Variants in POU2AF1 observed in about 807,000 individuals in gnomAD.
POU2AF1 encodes POU domain class 2-associating factor 1.
In POU2AF1, 12 loss-of-function variants were observed where a neutral mutation model predicts 26.3. The observed-to-expected ratio is 0.46, with a 90% CI of 0.29 to 0.74. The LOEUF (loss-of-function observed/expected upper bound fraction) is 0.74. POU2AF1 is among the 30% of genes least tolerant of loss of function. POU2AF1 has a pLI of 0.09. For synonymous variants in POU2AF1, 175 were observed against 148.0 expected (o/e 1.18, Z -1.32); for missense variants, 297 against 334.5 (o/e 0.89, Z 0.87).
chr11:111,358,474 T>TC (rs1221494539), intron 2 of POU2AF1, among the ~76,000 whole-genome samples: 2 of 134,416 alleles, frequency 1.5e-5, no homozygotes, highest in Non-Finnish European at 3.2e-5. Context: ...ACACATACAT[T>TC]CTCACACACT....
chr11:111,369,706 C>T (rs182714472), intron 1 of POU2AF1, among the ~76,000 whole-genome samples: 1 of 152,154 alleles, frequency 6.6e-6, no homozygotes, highest in African/African-American at 2.4e-5. Flanking sequence ...CCAGACCTAC[C>T]GTCCCAGACC....
chr11:111,367,616 AG>A (rs11295484), intron 1 of POU2AF1, among the ~76,000 whole-genome samples: 96,838 of 151,822 alleles, frequency 0.64, 31,845 homozygotes, highest in Admixed American at 0.77. Context: ...GCGACACTGC[AG>A]GTTAATCATC....
At chr11:111,358,984 A>G (rs1860952092) in intron 1 of POU2AF1, 66 bp from the exon 2 acceptor site, 1 of 1,543,572 alleles carries the variant, frequency 6.5e-7, no homozygotes, top group Non-Finnish European at 8.7e-7. Flanking sequence ...CAAAGTGCTC[A>G]TTTCCTCATG....
chr11:111,368,322 A>G (rs1861143464), intron 1 of POU2AF1, among the ~76,000 whole-genome samples: 1 of 152,048 alleles, frequency 6.6e-6, no homozygotes, highest in Non-Finnish European at 1.5e-5. Context: ...GTCTGGGGCC[A>G]GAGACTCAGG....
chr11:111,369,391 C>A (rs550929920), intron 1 of POU2AF1, among the ~76,000 whole-genome samples: 1 of 152,322 alleles, frequency 6.6e-6, no homozygotes, highest in Non-Finnish European at 1.5e-5. Flanking sequence ...AGTATGATGG[C>A]ATTCCCTTGT....
chr11:111,370,117 G>A (rs1420031943), intron 1 of POU2AF1, among the ~76,000 whole-genome samples: 3 of 152,326 alleles, frequency 2.0e-5, no homozygotes, highest in Non-Finnish European at 2.9e-5. Flanking sequence ...GGCCTGGGGT[G>A]TAGCCTTCGC....
At chr11:111,355,185 A>G (rs1230977346) in intron 4 of POU2AF1, among the ~76,000 whole-genome samples, 6 of 152,224 alleles carry the variant, frequency 3.9e-5, no homozygotes, top group Admixed American at 3.9e-4. Flanking sequence ...TTTGTCAGCA[A>G]ACTTGGCCTT....
rs74697168 is a variant in POU2AF1 at position 111,366,414 on chromosome 11, A to G, written c.17-7496T>C. ...AAAGGGGAACCATGATTGATGTACA[A>G]TTTGATGTTGCCTGCAAGGCTGCTG... On this transcript the variant is annotated intron_variant, in intron 1 of 4. Coordinates refer to ENST00000393067, the MANE Select transcript of POU2AF1 (RefSeq NM_006235.3). Among the ~76,000 whole-genome samples the G allele has an allele frequency of 6.1e-3, 927 of 152,322 alleles. 5 individuals carry two copies. The highest frequency in any genetic ancestry group is 0.021 in the African/African-American group (859 of 41,564).
chr11:111,358,348 ACACT>A (rs1231264223), intron 2 of POU2AF1, among the ~76,000 whole-genome samples: 8 of 52,694 alleles, frequency 1.5e-4, no homozygotes, highest in African/African-American at 1.3e-4. Context: ...TCACACTCTC[ACACT>A]CACACTCTCA....
chr11:111,354,950 T>G (rs1025475901), intron 4 of POU2AF1, among the ~76,000 whole-genome samples: 1 of 152,232 alleles, frequency 6.6e-6, no homozygotes, highest in African/African-American at 2.4e-5. Context: ...TCTTAAAACA[T>G]TAAAAATATA....
intron 1 of POU2AF1, among the ~76,000 whole-genome samples, chr11:111,375,759 G>C (rs1027649888): frequency 3.3e-5 from 5 of 152,208 alleles, no homozygotes; most frequent in Non-Finnish European, 7.4e-5. Context: ...TCTCAGACCA[G>C]AGGTTGGCAA....
intron 1 of POU2AF1, among the ~76,000 whole-genome samples, chr11:111,369,401 T>G (rs1027083291): frequency 4.6e-5 from 7 of 152,216 alleles, no homozygotes; most frequent in African/African-American, 1.4e-4. Flanking sequence ...CATTCCCTTG[T>G]CCTGACCTCA....
Position 111,354,226 on chromosome 11 carries a change from A to G in POU2AF1, c.*35T>C. The G allele has an allele frequency of 6.3e-7, 1 of 1,599,312 alleles. No homozygotes were observed. The highest frequency in any genetic ancestry group is 2.2e-5 in the East Asian group (1 of 44,816). ...AATTCCAGGCTCATTTTAAAATCCCAGTTTCAGGGAACAGGACTCAGGTGG... is the reference window on the plus strand; with the variant it reads ...AATTCCAGGCTCATTTTAAAATCCCGGTTTCAGGGAACAGGACTCAGGTGG... On this transcript the variant is annotated 3_prime_UTR_variant, in exon 5 of 5. Coordinates refer to ENST00000393067, the MANE Select transcript of POU2AF1 (RefSeq NM_006235.3).
chr11:111,361,204 G>T (rs933900220), intron 1 of POU2AF1, among the ~76,000 whole-genome samples: 38 of 39,156 alleles, frequency 9.7e-4, no homozygotes, highest in Non-Finnish European at 3.6e-3. Flanking sequence ...GCAGTCTAAC[G>T]GGGAAGACAA....
At chr11:111,367,142 G>A (rs183192472) in intron 1 of POU2AF1, among the ~76,000 whole-genome samples, 2 of 152,172 alleles carry the variant, frequency 1.3e-5, no homozygotes, top group East Asian at 3.9e-4. Context: ...AGACTCCCAG[G>A]GATCCTTTCC....
chr11:111,356,243 C>T (rs1016244623), intron 4 of POU2AF1, among the ~76,000 whole-genome samples: 1 of 152,222 alleles, frequency 6.6e-6, no homozygotes, highest in African/African-American at 2.4e-5. Flanking sequence ...ACCACCCTCA[C>T]CCCAGGCCTC....
intron 1 of POU2AF1, among the ~76,000 whole-genome samples, chr11:111,360,865 A>ATT (rs1445599087): frequency 4.6e-5 from 7 of 151,228 alleles, no homozygotes; most frequent in Non-Finnish European, 7.4e-5. Flanking sequence ...AATGGCTTGA[A>ATT]CCTGGGAGGT....
chr11:111,370,312 TTTTTTAGGAA>T (rs1861184057), intron 1 of POU2AF1, among the ~76,000 whole-genome samples: 1 of 152,076 alleles, frequency 6.6e-6, no homozygotes, highest in Non-Finnish European at 1.5e-5. Context: ...ACTTGGTCAG[TTTTTTAGGAA>T]TTTACCTCCT....
At chr11:111,376,758 C>T (rs1262441885) in intron 1 of POU2AF1, among the ~76,000 whole-genome samples, 2 of 152,134 alleles carry the variant, frequency 1.3e-5, no homozygotes, top group Non-Finnish European at 2.9e-5. Context: ...AAACCCTGCC[C>T]TTCCATCGGG....
Sources: allele counts gnomAD v4.1 joint callset (sites outside exome capture counted in the v4.1 genomes callset), GRCh38; gene constraint gnomAD v4.1.1; transcripts MANE v1.5; gene names NCBI Gene and HGNC (gene_info 2026-07-23, HGNC 2026-07-21).